SPACA6: variants seen among roughly 807,000 people sequenced by gnomAD.
SPACA6 encodes sperm acrosome membrane-associated protein 6.
For missense variants in SPACA6, 8 were observed against 2.8 expected (o/e 2.88, Z -1.34); for synonymous variants, 6 against 1.5 (o/e 4.05, Z -2.21).
At chr19:51,705,338 C>G (rs1448192503), downstream of SPACA6, 3 of 374,790 alleles carry the variant, frequency 8.0e-6, no homozygotes, top group Admixed American at 9.2e-5. Flanking sequence ...CCAGATACCC[C>G]CTCAGGTTAC....
At position 51,703,236 on chromosome 19, in the gene SPACA6, G is replaced by A; in HGVS notation, c.472G>A (p.Val158Met). 1 of 399,478 alleles carries A rather than the reference G, an allele frequency of 2.5e-6. No homozygotes were observed. The highest frequency in any genetic ancestry group is 4.4e-6 in the Non-Finnish European group (1 of 226,122). The allele number at this position is 399,478 out of a possible 1,614,324, so 24.7% of individuals were successfully genotyped here. The change falls in exon 6 of 9, where the codon GTG (valine) becomes ATG (methionine). Residue 158 changes from valine to methionine, a missense_variant. Coordinates refer to ENST00000637797, the MANE Select transcript of SPACA6 (RefSeq NM_001316972.2). The surrounding 1 kb of genome is among the most constrained non-coding windows in gnomAD (Gnocchi z 4.2). Reference sequence around the variant, plus strand: ...CCCTGCTCCGTCTTCAGTTCAGGATGTGACAGTGACTCGGGGCGACCAGGC... The same window carrying A: ...CCCTGCTCCGTCTTCAGTTCAGGATATGACAGTGACTCGGGGCGACCAGGC... ...DLPLDCPVQD[V>M]TVTRGDQAMF...
At chr19:51,713,100 T>A (rs3829652), downstream of SPACA6, 19,807 of 268,276 alleles carry the variant, frequency 0.074, 794 homozygotes, top group Middle Eastern at 0.1. This position sits in a 1 kb window ranked among gnomAD's most constrained non-coding sequence, Gnocchi z 4.5. Flanking sequence ...CTCAAAAAGG[T>A]GGAGGCTGGG....
upstream of SPACA6, chr19:51,685,482 C>T (rs1406599035): frequency 6.6e-6 from 1 of 152,116 alleles, no homozygotes; most frequent in Non-Finnish European, 1.5e-5. Context: ...TTTATATATG[C>T]CTTCTACACA....
chr19:51,684,444 G>T (rs1472576065), upstream of SPACA6, among the ~76,000 whole-genome samples: 1 of 152,108 alleles, frequency 6.6e-6, no homozygotes, highest in African/African-American at 2.4e-5. Flanking sequence ...CATGCCCTTT[G>T]TTCAGAAAAT....
At chr19:51,693,944 A>T (rs2083400528) in intron 1 of SPACA6, 1 of 380,902 alleles carries the variant, frequency 2.6e-6, no homozygotes, top group Non-Finnish European at 4.6e-6. Flanking sequence ...AGAGGGGAGG[A>T]TGGAGAGTCA....
At chr19:51,711,576 A>G (rs948857303) in intron 2 of SPACA6, among the ~76,000 whole-genome samples, 1 of 152,266 alleles carries the variant, frequency 6.6e-6, no homozygotes, top group African/African-American at 2.4e-5. Flanking sequence ...TGCCCACACC[A>G]AAACTTGCAC....
downstream of SPACA6, among the ~76,000 whole-genome samples, chr19:51,706,980 T>A (rs968506394): frequency 6.6e-6 from 1 of 152,170 alleles, no homozygotes; most frequent in African/African-American, 2.4e-5. Flanking sequence ...TTTTTTAATT[T>A]GGTTTTGCCT....
downstream of SPACA6, among the ~76,000 whole-genome samples, chr19:51,706,034 CCT>C (rs1331265069): frequency 1.3e-5 from 2 of 152,062 alleles, no homozygotes; most frequent in East Asian, 3.9e-4. Flanking sequence ...TTGGGTTACT[CCT>C]CTACCCAGAA....
chr19:51,693,051 CTG>C (rs2083389298), upstream of SPACA6: 1 of 361,868 alleles, frequency 2.8e-6, no homozygotes, highest in Non-Finnish European at 5.6e-6. Flanking sequence ...TGCTGTGTCT[CTG>C]TGGCTTCTGT....
chr19:51,709,614 C>CA (rs56844884), downstream of SPACA6, among the ~76,000 whole-genome samples: 22,912 of 92,870 alleles, frequency 0.25, 2,434 homozygotes, highest in Non-Finnish European at 0.28. Context: ...GACTCTGTCA[C>CA]AAAAAAAAAA....
rs2083492886 is a variant in SPACA6, at chr19:51,704,084, C to G, written c.628C>G (p.Leu210Val). 5.0e-6 allele frequency: 2 copies of G among 401,128 alleles called. No homozygotes were observed. Among genetic ancestry groups the G allele is most frequent in the Non-Finnish European group, 8.8e-6 (2 of 226,264 alleles). 24.8% of individuals were successfully genotyped at this position (401,128 alleles called of 1,614,324 possible). ...FRDMPRAEGYLARIRPAQLTH... is the reference protein window; with the variant it reads ...FRDMPRAEGYVARIRPAQLTH... ...AGATATGCCGCGGGCCGAAGGATAC[C>G]TGGCGCGGATCCGGCCGGCTCAGCT... is the stretch of plus-strand genomic sequence containing the variant. The change falls in exon 7 of 9, where the codon CTG (leucine) becomes GTG (valine). Residue 210 changes from leucine (L) to valine (V), a missense_variant. Leu to Val is a conservative substitution (Grantham distance 32). Coordinates refer to ENST00000637797, the MANE Select transcript of SPACA6 (RefSeq NM_001316972.2).
At chr19:51,688,808 G>T (rs1259115924), upstream of SPACA6, among the ~76,000 whole-genome samples, 1 of 152,006 alleles carries the variant, frequency 6.6e-6, no homozygotes, top group Non-Finnish European at 1.5e-5. Context: ...AAGGACAGAT[G>T]TGCAGAGACA....
chr19:51,692,284 T>C (rs2083380649), upstream of SPACA6, among the ~76,000 whole-genome samples: 1 of 151,770 alleles, frequency 6.6e-6, no homozygotes, highest in Non-Finnish European at 1.5e-5. The surrounding 1 kb of genome is among the most constrained non-coding windows in gnomAD (Gnocchi z 5.6). Context: ...AGGCCATGCC[T>C]TCCCCAGGAG....
downstream of SPACA6, among the ~76,000 whole-genome samples, chr19:51,709,505 G>T (rs1173914964): frequency 1.0e-5 from 1 of 97,866 alleles, no homozygotes; most frequent in African/African-American, 4.1e-5. Context: ...CAAAAAGAGC[G>T]AAACTGCATC....
chr19:51,705,368 T>G (rs1345845582), downstream of SPACA6: 6 of 350,376 alleles, frequency 1.7e-5, no homozygotes, highest in Non-Finnish European at 2.6e-5. Flanking sequence ...CCTTGACATT[T>G]CCATCTGCAG....
chr19:51,702,479 G>A, intron 3 of SPACA6, 150 bp from the exon 4 acceptor site: 1 of 392,590 alleles, frequency 2.5e-6, no homozygotes, highest in Non-Finnish European at 4.5e-6. Context: ...GTGGAACCCA[G>A]CCGGCTTGAC....
chr19:51,692,278 CA>C (rs2083380558), upstream of SPACA6, among the ~76,000 whole-genome samples: 3 of 152,134 alleles, frequency 2.0e-5, no homozygotes, highest in South Asian at 6.2e-4. The surrounding 1 kb of genome is among the most constrained non-coding windows in gnomAD (Gnocchi z 5.6). Context: ...TCTATCAGGC[CA>C]TGCCTTCCCC....
At chr19:51,709,530 G>GAAAAA (rs1320774737), downstream of SPACA6, among the ~76,000 whole-genome samples, 1 of 26,850 alleles carries the variant, frequency 3.7e-5, no homozygotes, top group Non-Finnish European at 6.9e-5. Flanking sequence ...GAAAAAAAAG[G>GAAAAA]CAAAAAAAAA....
At chr19:51,699,716 T>TGACC (rs2083454795) in intron 2 of SPACA6, among the ~76,000 whole-genome samples, 1 of 152,146 alleles carries the variant, frequency 6.6e-6, no homozygotes, top group South Asian at 2.1e-4. Flanking sequence ...CCCACCCTAA[T>TGACC]GACCTCATTT....
Sources: allele counts gnomAD v4.1 joint callset (sites outside exome capture counted in the v4.1 genomes callset), GRCh38; gene constraint gnomAD v4.1.1; non-coding constraint Gnocchi (gnomAD v3.1); transcripts MANE v1.5; gene names NCBI Gene and HGNC (gene_info 2026-07-23, HGNC 2026-07-21).